GPC6: variants seen among roughly 807,000 people sequenced by gnomAD.
The protein encoded by GPC6 is glypican 6, also known as glypican-6.
A neutral mutation model predicts 55.2 loss-of-function variants in GPC6; 14 were observed. The observed-to-expected ratio is 0.25, with a 90% CI of 0.17 to 0.40. The LOEUF is 0.40. Among genes scored for constraint, GPC6 ranks in the 10% least tolerant of loss-of-function variants. The pLI, the probability that GPC6 is intolerant of heterozygous loss-of-function variation, is 1.00. For missense variants in GPC6, 641 were observed against 708.5 expected, an observed-to-expected ratio of 0.90 and a Z score of 1.08; for synonymous variants, 278 against 259.6, an observed-to-expected ratio of 1.07 and a Z score of -0.68.
intron 1 of GPC6, 34 bp from the exon 2 acceptor site, chr13:93,545,229 G>T (rs1238435385): frequency 3.8e-6 from 6 of 1,583,278 alleles, no homozygotes; most frequent in Non-Finnish European, 4.3e-6. Flanking sequence ...AAAGTCCTTA[G>T]AATGCAATAG....
intron 4 of GPC6, among the ~76,000 whole-genome samples, chr13:94,192,269 TC>T (rs1360417006): frequency 6.6e-6 from 1 of 152,276 alleles, no homozygotes; most frequent in East Asian, 1.9e-4. Flanking sequence ...AACAGAACAA[TC>T]TATAAAGTAT....
At chr13:93,523,930 A>G (rs531341002) in intron 1 of GPC6, among the ~76,000 whole-genome samples, 30 of 152,066 alleles carry the variant, frequency 2.0e-4, no homozygotes, top group African/African-American at 7.2e-4. Flanking sequence ...TGAGTCTAGA[A>G]TAAGCCTGTG....
intron 4 of GPC6, among the ~76,000 whole-genome samples, chr13:94,208,773 A>G (rs1889981950): frequency 6.7e-6 from 1 of 150,220 alleles, no homozygotes; most frequent in Non-Finnish European, 1.5e-5. Context: ...AAAAAAAAAA[A>G]AAAAAACAAG....
At chr13:94,339,912 C>T (rs539907513) in intron 6 of GPC6, among the ~76,000 whole-genome samples, 24 of 151,788 alleles carry the variant, frequency 1.6e-4, no homozygotes, top group African/African-American at 5.8e-4. Context: ...TACAGGCATG[C>T]ACCACCACAC....
At chr13:93,844,242 G>A (rs959266300) in intron 3 of GPC6, among the ~76,000 whole-genome samples, 1 of 152,106 alleles carries the variant, frequency 6.6e-6, no homozygotes, top group Non-Finnish European at 1.5e-5. Flanking sequence ...GCGTTCAAGT[G>A]ATTCTCCTGC....
chr13:94,069,568 C>G (rs1167497768), intron 4 of GPC6, among the ~76,000 whole-genome samples: 1 of 152,126 alleles, frequency 6.6e-6, no homozygotes, highest in Non-Finnish European at 1.5e-5. Context: ...AACTTTTGTA[C>G]TGTTTCCCTT....
At chr13:94,292,054 C>G (rs1191836761) in intron 5 of GPC6, among the ~76,000 whole-genome samples, 3 of 152,170 alleles carry the variant, frequency 2.0e-5, no homozygotes, top group African/African-American at 7.2e-5. Context: ...TGAGTGCTTA[C>G]TGCCAGGGAC....
At chr13:93,270,583 T>C (rs9589696) in intron 1 of GPC6, among the ~76,000 whole-genome samples, 17,471 of 152,120 alleles carry the variant, frequency 0.11, 1,286 homozygotes, top group East Asian at 0.37. Flanking sequence ...ATTCTACTTA[T>C]AGTTCTCACT....
intron 4 of GPC6, among the ~76,000 whole-genome samples, chr13:94,232,536 T>TG (rs1566572699): frequency 1.3e-5 from 2 of 151,256 alleles, no homozygotes; most frequent in South Asian, 2.1e-4. Flanking sequence ...GGGTTTTTTT[T>TG]GGGGGGGTGG....
intron 2 of GPC6, among the ~76,000 whole-genome samples, chr13:93,663,503 T>C (rs966230678): frequency 2.0e-5 from 3 of 152,218 alleles, no homozygotes; most frequent in African/African-American, 7.2e-5. Context: ...CCTTTCTGTC[T>C]GAGTAGATAT....
chr13:93,321,701 C>T (rs1325497681), intron 1 of GPC6, among the ~76,000 whole-genome samples: 1 of 152,170 alleles, frequency 6.6e-6, no homozygotes, highest in Non-Finnish European at 1.5e-5. Flanking sequence ...TAGAAAATAT[C>T]AGTAAATACA....
chr13:93,847,025 A>G (rs553977118), intron 3 of GPC6, among the ~76,000 whole-genome samples: 1 of 152,288 alleles, frequency 6.6e-6, no homozygotes, highest in East Asian at 1.9e-4. Context: ...ATACACAAGG[A>G]AAATGGAGAA....
At chr13:93,946,961 T>C (rs1879036970) in intron 3 of GPC6, among the ~76,000 whole-genome samples, 1 of 152,202 alleles carries the variant, frequency 6.6e-6, no homozygotes, top group Non-Finnish European at 1.5e-5. Context: ...TAGCACTCTC[T>C]AGAAATTTCT....
chr13:93,536,563 C>CT (rs1048713296), intron 1 of GPC6, among the ~76,000 whole-genome samples: 8 of 152,080 alleles, frequency 5.3e-5, no homozygotes, highest in African/African-American at 1.9e-4. Flanking sequence ...CACTGCATTG[C>CT]TTTTTATGGG....
chr13:94,239,894 G>A (rs1891001739), intron 4 of GPC6, among the ~76,000 whole-genome samples: 1 of 152,108 alleles, frequency 6.6e-6, no homozygotes, highest in South Asian at 2.1e-4. Context: ...TTTGTGGGGA[G>A]ATGTGTTGTG....
At chr13:94,145,577 A>G (rs1477640769) in intron 4 of GPC6, among the ~76,000 whole-genome samples, 1 of 152,132 alleles carries the variant, frequency 6.6e-6, no homozygotes, top group Non-Finnish European at 1.5e-5. Flanking sequence ...AAATGGTAGC[A>G]TGAGAAGTGT....
At chr13:93,841,068 C>A (rs1437919191) in intron 3 of GPC6, among the ~76,000 whole-genome samples, 2 of 152,090 alleles carry the variant, frequency 1.3e-5, no homozygotes, top group African/African-American at 4.8e-5. Context: ...GGAGGGTAGG[C>A]AAGGTGTGTG....
intron 4 of GPC6, among the ~76,000 whole-genome samples, chr13:94,095,891 A>G (rs1001783997): frequency 2.0e-5 from 3 of 152,174 alleles, no homozygotes; most frequent in African/African-American, 7.2e-5. Flanking sequence ...TGCTTATTAT[A>G]TACACTATTT....
chr13:94,402,515 G>A (rs140096741), intron 8 of GPC6, among the ~76,000 whole-genome samples: 19 of 152,318 alleles, frequency 1.2e-4, no homozygotes, highest in African/African-American at 4.6e-4. Flanking sequence ...GTTGGGTAGG[G>A]TGGGGGACCA....
Sources: gnomAD v4.1 joint callset for allele counts (sites outside exome capture counted in the v4.1 genomes callset) on GRCh38, gnomAD v4.1.1 for gene constraint, MANE v1.5 for transcripts, NCBI Gene and HGNC (gene_info 2026-07-23, HGNC 2026-07-21) for gene names.